Variants in CAST observed in about 807,000 individuals in gnomAD.
CAST encodes the protein MIR583 host.
Under a neutral mutation model 119.6 loss-of-function variants are expected in CAST, and 76 were observed. The ratio of observed to expected loss-of-function variants is 0.64; its 90% CI spans 0.53 to 0.77. CAST has a LOEUF of 0.77. Among genes scored for constraint, CAST ranks in the 30% least tolerant of loss-of-function variants. The pLI is 0.00. For synonymous variants in CAST, 319 were observed against 331.6 expected, an observed-to-expected ratio of 0.96 and a Z score of 0.41; for missense variants, 953 against 946.5, an observed-to-expected ratio of 1.01 and a Z score of -0.09.
At chr5:96,292,425 G>A in the CAST span, among the ~76,000 whole-genome samples, 1 of 152,170 alleles carries the variant, frequency 6.6e-6, no homozygotes. Flanking sequence ...AACGTTATCT[G>A]TTGAATGCAC....
chr5:96,063,935 C>T, the CAST span, among the ~76,000 whole-genome samples: 5 of 152,170 alleles, frequency 3.3e-5, no homozygotes, highest in East Asian at 9.7e-4. Context: ...GCTGGAGGCT[C>T]CTAAGCCATC....
chr5:96,709,376 C>A (rs1755644741), intron 3 of CAST, among the ~76,000 whole-genome samples: 4 of 152,204 alleles, frequency 2.6e-5, no homozygotes, highest in Admixed American at 2.6e-4. Flanking sequence ...TTTCTGATAT[C>A]CCCGTGAGTC....
chr5:96,263,788 A>G, the CAST span, among the ~76,000 whole-genome samples: 2 of 152,194 alleles, frequency 1.3e-5, no homozygotes, highest in East Asian at 3.8e-4. Context: ...GGCCTCAGGA[A>G]ACTTACAATC....
At chr5:96,562,956 A>G (rs966691909) in intron 1 of CAST, among the ~76,000 whole-genome samples, 1 of 147,186 alleles carries the variant, frequency 6.8e-6, no homozygotes, top group African/African-American at 2.4e-5. Context: ...TCTCTCCTGA[A>G]GGAGGTCATA....
At chr5:96,724,256 C>T (rs1344501566) in intron 4 of CAST, among the ~76,000 whole-genome samples, 3 of 152,000 alleles carry the variant, frequency 2.0e-5, no homozygotes, top group African/African-American at 7.2e-5. Flanking sequence ...TCACAGCTTG[C>T]TGCCACCTTG....
chr5:96,125,381 C>T, the CAST span, among the ~76,000 whole-genome samples: 1 of 152,070 alleles, frequency 6.6e-6, no homozygotes, highest in Non-Finnish European at 1.5e-5. Flanking sequence ...TAATTTTTCT[C>T]AGTGATGGAG....
At chr5:96,535,972 C>G (rs1419672012) in intron 1 of CAST, among the ~76,000 whole-genome samples, 2 of 149,890 alleles carry the variant, frequency 1.3e-5, no homozygotes, top group African/African-American at 4.9e-5. Context: ...ATGAGGAGCC[C>G]TTTAGTACAT....
At chr5:96,765,161 A>T in intron 25 of CAST, 60 bp from the exon 26 acceptor site, 1 of 950,500 alleles carries the variant, frequency 1.1e-6, no homozygotes, top group East Asian at 2.4e-5. Context: ...TTCCTGGGCT[A>T]ATTTGCCTCT....
chr5:96,589,713 T>A (rs1274324094), intron 1 of CAST, among the ~76,000 whole-genome samples: 1 of 152,220 alleles, frequency 6.6e-6, no homozygotes, highest in Non-Finnish European at 1.5e-5. Context: ...TAGCAAGGAC[T>A]AGGAGAATAT....
the CAST span, among the ~76,000 whole-genome samples, chr5:96,170,832 G>A: frequency 6.6e-6 from 1 of 152,206 alleles, no homozygotes; most frequent in Non-Finnish European, 1.5e-5. Flanking sequence ...TGCTGGGCAG[G>A]TGGGAGAGGG....
the CAST span, chr5:96,393,134 G>C: frequency 3.1e-6 from 5 of 1,614,172 alleles, no homozygotes; most frequent in Middle Eastern, 3.3e-4. Context: ...AAGCTGGGAA[G>C]GTTTGTTCAG....
At chr5:96,240,821 A>C in the CAST span, among the ~76,000 whole-genome samples, 2 of 149,466 alleles carry the variant, frequency 1.3e-5, no homozygotes, top group African/African-American at 4.9e-5. Context: ...TCAAAAGGAC[A>C]TTTATACCAG....
At chr5:96,044,827 A>G in the CAST span, among the ~76,000 whole-genome samples, 3 of 152,216 alleles carry the variant, frequency 2.0e-5, no homozygotes, top group African/African-American at 7.2e-5. Flanking sequence ...TGAATGAATG[A>G]CTGTTGTGTG....
the CAST span, among the ~76,000 whole-genome samples, chr5:96,249,106 T>C: frequency 2.0e-5 from 3 of 152,244 alleles, no homozygotes; most frequent in Non-Finnish European, 4.4e-5. Context: ...TCCAGATTTG[T>C]ATGTCATGGG....
chr5:96,359,025 T>C, the CAST span, among the ~76,000 whole-genome samples: 1 of 152,220 alleles, frequency 6.6e-6, no homozygotes, highest in Non-Finnish European at 1.5e-5. Flanking sequence ...TGCTCCTTTA[T>C]TGAGTGCATA....
the CAST span, among the ~76,000 whole-genome samples, chr5:96,115,513 T>C: frequency 3.6e-4 from 55 of 152,358 alleles, no homozygotes; most frequent in African/African-American, 1.3e-3. Context: ...GAAGCACAGA[T>C]AAGTAACTTG....
At chr5:96,021,508 C>G in the CAST span, among the ~76,000 whole-genome samples, 1 of 151,572 alleles carries the variant, frequency 6.6e-6, no homozygotes, top group Non-Finnish European at 1.5e-5. Flanking sequence ...TGCAGTGGCG[C>G]GATCTCTGCT....
At chr5:96,461,635 C>T in the CAST span, among the ~76,000 whole-genome samples, 28 of 152,024 alleles carry the variant, frequency 1.8e-4, no homozygotes, top group Non-Finnish European at 3.7e-4. Context: ...CTGGGTCTCT[C>T]ATTTTGTTTT....
the CAST span, among the ~76,000 whole-genome samples, chr5:96,226,847 A>G: frequency 7.9e-5 from 12 of 152,270 alleles, no homozygotes; most frequent in Admixed American, 2.0e-4. Context: ...TAGAAACCAA[A>G]ATAACAGCAT....
Sources: gnomAD v4.1 joint callset for allele counts (sites outside exome capture counted in the v4.1 genomes callset) on GRCh38, gnomAD v4.1.1 for gene constraint, MANE v1.5 for transcripts, NCBI Gene and HGNC (gene_info 2026-07-23, HGNC 2026-07-21) for gene names.